Variants in SPDYE10 observed in about 807,000 individuals in gnomAD.
SPDYE10 encodes the protein speedy/RINGO cell cycle regulator family member E10, also known as speedy protein E10.
chr7:73,132,480 G>A, the SPDYE10 span, among the ~76,000 whole-genome samples: 2 of 152,106 alleles, frequency 1.3e-5, no homozygotes, highest in Non-Finnish European at 2.9e-5. Flanking sequence ...CCAGGATTTT[G>A]AGGCTGCAGT....
At chr7:73,121,116 A>G in the SPDYE10 span, among the ~76,000 whole-genome samples, 2 of 152,000 alleles carry the variant, frequency 1.3e-5, no homozygotes, top group Non-Finnish European at 2.9e-5. Context: ...TGTCCAGCCC[A>G]TTGTCACTTT....
At chr7:73,120,513 G>A in the SPDYE10 span, among the ~76,000 whole-genome samples, 1 of 84,420 alleles carries the variant, frequency 1.2e-5, no homozygotes, top group Non-Finnish European at 2.2e-5. Flanking sequence ...TATTGGCTGG[G>A]TGCGGTGGTT....
the SPDYE10 span, among the ~76,000 whole-genome samples, chr7:73,134,543 A>AAGAAAGAAAGAAAGAAAGAAAG: frequency 6.6e-6 from 1 of 151,946 alleles, no homozygotes. Flanking sequence ...AAGAAAAAGA[A>AAGAAAGAAAGAAAGAAAGAAAG]AGAAAGAAAG....
the SPDYE10 span, among the ~76,000 whole-genome samples, chr7:73,120,736 C>G: frequency 6.9e-6 from 1 of 145,798 alleles, no homozygotes. Context: ...TGCAGTGAGC[C>G]AAGATCGTGT....
chr7:73,135,560 CTG>C, the SPDYE10 span, among the ~76,000 whole-genome samples: 3 of 114,670 alleles, frequency 2.6e-5, no homozygotes, highest in Non-Finnish European at 5.3e-5. Context: ...GAATCCCACT[CTG>C]TTGGCCAGAC....
At chr7:73,132,333 A>G in the SPDYE10 span, among the ~76,000 whole-genome samples, 4 of 149,380 alleles carry the variant, frequency 2.7e-5, no homozygotes, top group East Asian at 3.9e-4. Context: ...ATTGCTTAAG[A>G]TCAGGAATTC....
the SPDYE10 span, among the ~76,000 whole-genome samples, chr7:73,115,313 T>C: frequency 2.6e-5 from 4 of 152,128 alleles, no homozygotes; most frequent in African/African-American, 9.7e-5. Context: ...CCAAGTCCCT[T>C]TTTACTCCTT....
the SPDYE10 span, among the ~76,000 whole-genome samples, chr7:73,137,963 C>G: frequency 7.0e-6 from 1 of 142,378 alleles, no homozygotes; most frequent in Non-Finnish European, 1.5e-5. Context: ...AGGGAAGGGA[C>G]CCAGGCTAAC....
the SPDYE10 span, among the ~76,000 whole-genome samples, chr7:73,150,904 AAAAAT>A: frequency 2.2e-3 from 25 of 11,362 alleles, no homozygotes; most frequent in Non-Finnish European, 3.7e-3. Context: ...TCAAAAAAAA[AAAAAT>A]ATATATATAT....
chr7:73,150,948 A>ATATT, the SPDYE10 span, among the ~76,000 whole-genome samples: 21 of 4,936 alleles, frequency 4.3e-3, 1 homozygote, highest in South Asian at 0.016. Flanking sequence ...ATATATATAT[A>ATATT]TTTTTTTTTT....
chr7:73,134,772 G>GA, the SPDYE10 span, among the ~76,000 whole-genome samples: 1 of 152,272 alleles, frequency 6.6e-6, no homozygotes, highest in Admixed American at 6.5e-5. Flanking sequence ...TGAGGCAGGA[G>GA]AATTGCTTGA....
the SPDYE10 span, among the ~76,000 whole-genome samples, chr7:73,115,224 G>A: frequency 2.6e-5 from 4 of 152,244 alleles, no homozygotes; most frequent in East Asian, 7.7e-4. Flanking sequence ...TTGGTCACCT[G>A]GTGCCTCTGA....
At chr7:73,127,082 CTTTTTTTTTTT>C in the SPDYE10 span, among the ~76,000 whole-genome samples, 333 of 13,288 alleles carry the variant, frequency 0.025, 2 homozygotes, top group African/African-American at 0.094. Flanking sequence ...CCACGCCTGG[CTTTTTTTTTTT>C]TTTTTTTTTT....
chr7:73,114,027 CAAA>C, the SPDYE10 span, among the ~76,000 whole-genome samples: 1 of 75,884 alleles, frequency 1.3e-5, no homozygotes, highest in Admixed American at 1.5e-4. Flanking sequence ...GACTCCGTCT[CAAA>C]AAAAAAAAAA....
chr7:73,128,251 T>C, the SPDYE10 span, among the ~76,000 whole-genome samples: 2 of 147,530 alleles, frequency 1.4e-5, no homozygotes, highest in African/African-American at 5.1e-5. Context: ...TACAATATGA[T>C]ACCAGTTATA....
At chr7:73,150,907 A>AAAAAAT in the SPDYE10 span, among the ~76,000 whole-genome samples, 4 of 11,574 alleles carry the variant, frequency 3.5e-4, 1 homozygote, top group Admixed American at 2.3e-3. Context: ...AAAAAAAAAA[A>AAAAAAT]ATATATATAT....
At chr7:73,135,539 T>C in the SPDYE10 span, among the ~76,000 whole-genome samples, 1 of 129,586 alleles carries the variant, frequency 7.7e-6, no homozygotes, top group Admixed American at 7.9e-5. Context: ...CTTTTTTTTT[T>C]TTTTGAGACA....
the SPDYE10 span, chr7:73,104,769 GATT>G: frequency 7.4e-6 from 1 of 135,070 alleles, no homozygotes; most frequent in Non-Finnish European, 1.6e-5. Context: ...AAATAGAAGA[GATT>G]ATTATGGAAG....
the SPDYE10 span, among the ~76,000 whole-genome samples, chr7:73,149,617 A>G: frequency 9.2e-5 from 14 of 152,236 alleles, no homozygotes; most frequent in Admixed American, 1.3e-4. Context: ...TCGTGTTTCT[A>G]TTGGTTGGCT....
Sources: allele counts gnomAD v4.1 joint callset (sites outside exome capture counted in the v4.1 genomes callset), GRCh38; gene constraint gnomAD v4.1.1; transcripts MANE v1.5; gene names NCBI Gene and HGNC (gene_info 2026-07-23, HGNC 2026-07-21).